Variants in IPPK observed in about 807,000 individuals in gnomAD.
IPPK encodes inositol-pentakisphosphate 2-kinase, also known as IPK1 homolog.
Under a neutral mutation model 64.6 loss-of-function variants are expected in IPPK, and 22 were observed. That is an observed-to-expected ratio of 0.34 (90% CI 0.24 to 0.49). IPPK has a LOEUF of 0.49. Among genes scored for constraint, IPPK ranks in the 20% least tolerant of loss-of-function variants. The pLI, the probability that IPPK is intolerant of heterozygous loss-of-function variation, is 0.99. For synonymous variants in IPPK, 262 were observed against 247.2 expected (o/e 1.06, Z -0.56); for missense variants, 532 against 630.7 (o/e 0.84, Z 1.68).
chr9:92,630,765 G>A (rs1360586802), intron 11 of IPPK, among the ~76,000 whole-genome samples: 1 of 152,166 alleles, frequency 6.6e-6, no homozygotes, highest in Non-Finnish European at 1.5e-5. Context: ...TATATTGTGT[G>A]TGGACTGGGA....
chr9:92,616,003 C>T lies in IPPK; in HGVS notation c.1305G>A (p.Val435=). 6.2e-7 allele frequency: 1 copy of T among 1,614,188 alleles called. No individual in the cohort carries two copies. The highest frequency in any genetic ancestry group is 8.5e-7 in the Non-Finnish European group (1 of 1,180,040). The change falls in exon 13 of 13, where the codon GTG becomes GTA. Residue 435 remains valine (V), a synonymous_variant. Transcript: ENST00000287996. Reference sequence around the variant, plus strand: ...GCTTGAGGTCAAGGTCCAGCACAGACACGGAAAAGGCAAACCTGGACCTCG... The same window carrying T: ...GCTTGAGGTCAAGGTCCAGCACAGATACGGAAAAGGCAAACCTGGACCTCG... ...PSSRSRFAFS[V]SVLDLDLKPY...
intron 12 of IPPK, chr9:92,617,717 G>A (rs74993589): frequency 0.038 from 5,948 of 158,278 alleles, 198 homozygotes; most frequent in East Asian, 0.092. Context: ...TGGGGATCGG[G>A]GTGGAGAAGC....
At chr9:92,660,681 C>A (rs1852464996) in intron 1 of IPPK, among the ~76,000 whole-genome samples, 2 of 152,120 alleles carry the variant, frequency 1.3e-5, no homozygotes, top group African/African-American at 4.8e-5. Context: ...GAACACAGGA[C>A]CCCCCTCCCC....
chr9:92,634,300 G>T, intron 11 of IPPK, 86 bp downstream of exon 11: 1 of 951,462 alleles, frequency 1.1e-6, no homozygotes. Context: ...GGTAGGTAAT[G>T]GAAAAAAAAA....
chr9:92,629,754 T>G (rs1024915354), intron 11 of IPPK, among the ~76,000 whole-genome samples: 1 of 150,536 alleles, frequency 6.6e-6, no homozygotes, highest in African/African-American at 2.4e-5. Context: ...TAGACATTTC[T>G]CTGAAAAAGA....
At chr9:92,630,885 T>TA (rs1053241919) in intron 11 of IPPK, among the ~76,000 whole-genome samples, 2 of 151,740 alleles carry the variant, frequency 1.3e-5, no homozygotes, top group Non-Finnish European at 2.9e-5. Flanking sequence ...AAAAATGACA[T>TA]AAAAAAAACT....
intron 3 of IPPK, among the ~76,000 whole-genome samples, chr9:92,655,968 C>T (rs1852364734): frequency 6.6e-6 from 1 of 152,132 alleles, no homozygotes; most frequent in African/African-American, 2.4e-5. Context: ...TCCCACAGAC[C>T]CCAGCACAGG....
Position 92,613,451 on chromosome 9 carries a change from A to G in IPPK, c.*2381T>C. ...TGTGGGGAGGATCCATCCCCCACCC[A>G]CTGCAGCCTCACACCGAGTCCACCT... On this transcript the variant is annotated 3_prime_UTR_variant, in exon 13 of 13. Coordinates refer to ENST00000287996, the MANE Select transcript of IPPK (RefSeq NM_022755.6). The G allele has an allele frequency of 3.1e-6, 1 of 324,432 alleles. No homozygotes were observed. The highest frequency in any genetic ancestry group is 6.0e-6 in the Non-Finnish European group (1 of 167,560). The allele number at this position is 324,432 out of a possible 1,614,324, so 20.1% of individuals were successfully genotyped here. A position where few individuals can be genotyped will look rare whatever the true frequency, so the allele number is the denominator to read the frequency against.
Position 92,634,496 on chromosome 9 carries a change from A to G in IPPK, c.1068-8T>C. ...TCTATTTGTAAGGTTTTTCTGAAGA[A>G]GAAAGCACAATAAAAACAGGATGAC... is the stretch of plus-strand genomic sequence containing the variant. On this transcript the variant is annotated splice_polypyrimidine_tract_variant and splice_region_variant and intron_variant, in intron 10 of 12. Coordinates refer to ENST00000287996, the MANE Select transcript of IPPK (RefSeq NM_022755.6). 2 of 1,600,560 alleles carry G rather than the reference A, an allele frequency of 1.2e-6. No homozygotes were observed. The highest frequency in any genetic ancestry group is 1.7e-6 in the Non-Finnish European group (2 of 1,167,632).
chr9:92,630,496 G>T (rs557829342), intron 11 of IPPK, among the ~76,000 whole-genome samples: 3 of 152,262 alleles, frequency 2.0e-5, no homozygotes, highest in African/African-American at 7.2e-5. Flanking sequence ...CAAAACCGCT[G>T]CACTGAACAC....
chr9:92,639,445 T>C (rs1363131404), intron 8 of IPPK, among the ~76,000 whole-genome samples: 3 of 152,194 alleles, frequency 2.0e-5, no homozygotes, highest in Non-Finnish European at 4.4e-5. Context: ...GAACGCACAG[T>C]AGGTAACATG....
intron 3 of IPPK, among the ~76,000 whole-genome samples, chr9:92,655,506 C>T (rs1202582353): frequency 6.6e-6 from 1 of 152,154 alleles, no homozygotes; most frequent in East Asian, 1.9e-4. Flanking sequence ...TGGAGCCAGA[C>T]TGCTCATTGC....
chr9:92,646,580 C>A (rs1198117911), intron 6 of IPPK, among the ~76,000 whole-genome samples: 1 of 152,062 alleles, frequency 6.6e-6, no homozygotes, highest in Non-Finnish European at 1.5e-5. Flanking sequence ...CACAACATAC[C>A]AAAATGTATG....
Position 92,616,186 on chromosome 9 carries a change from A to C in IPPK, c.1251-129T>G, listed in dbSNP as rs370949795. On this transcript the variant is annotated intron_variant, in intron 12 of 12. Coordinates refer to ENST00000287996, the MANE Select transcript of IPPK (RefSeq NM_022755.6). ...TTTTCTTTGACTTCTGCAAAGTTAG[A>C]TAAATCAATCTCTTTTAAAAGAGAA... 4.6e-6 allele frequency: 3 copies of C among 659,266 alleles called. No individual in the cohort carries two copies. In the East Asian group the frequency reaches 8.3e-5, roughly 18 times the overall value. 40.8% of individuals were successfully genotyped at this position (659,266 alleles called of 1,614,324 possible). A position where few individuals can be genotyped will look rare whatever the true frequency, so the allele number is the denominator to read the frequency against.
chr9:92,619,681 T>A, intron 11 of IPPK, 116 bp from the exon 12 acceptor site: 4 of 968,384 alleles, frequency 4.1e-6, no homozygotes, highest in Non-Finnish European at 4.8e-6. Flanking sequence ...AACCTGAGGG[T>A]GGGATTAGGA....
At chr9:92,651,978 G>A (rs1214732783) in intron 4 of IPPK, among the ~76,000 whole-genome samples, 1 of 152,066 alleles carries the variant, frequency 6.6e-6, no homozygotes, top group African/African-American at 2.4e-5. Context: ...CTGACCTCAG[G>A]TGACCTGCCT....
chr9:92,619,880 T>C (rs546477558), intron 11 of IPPK: 352 of 381,404 alleles, frequency 9.2e-4, no homozygotes, highest in African/African-American at 6.7e-3. Context: ...CAGTCGGCCT[T>C]TGGAAGGAAA....
At chr9:92,651,859 G>A (rs1453322786) in intron 4 of IPPK, among the ~76,000 whole-genome samples, 1 of 151,972 alleles carries the variant, frequency 6.6e-6, no homozygotes, top group African/African-American at 2.4e-5. Flanking sequence ...GGGATTACAG[G>A]TGCCCGCCAC....
In IPPK at chr9:92,635,254, G is replaced by T; in HGVS notation, c.971C>A (p.Thr324Asn). The T allele has an allele frequency of 6.2e-7, 1 of 1,614,226 alleles. No individual in the cohort carries two copies. Among genetic ancestry groups the T allele is most frequent in the Non-Finnish European group, 8.5e-7 (1 of 1,180,032 alleles). ...CAGGTCCAACATCTGCACCTGGAGGGTTTTGTACAGAAGACAGCCCTTCGG... is the reference window on the plus strand; with the variant it reads ...CAGGTCCAACATCTGCACCTGGAGGTTTTTGTACAGAAGACAGCCCTTCGG... ...GLPKGCLLYK[T>N]LQVQMLDLLD... is the part of the protein sequence containing the mutation. The change falls in exon 10 of 13, where the codon ACC (threonine) becomes AAC (asparagine). Residue 324 changes from threonine (T) to asparagine (N), a missense_variant. Transcript: ENST00000287996. This position sits in a 1 kb window ranked among gnomAD's most constrained non-coding sequence, Gnocchi z 4.4.
Sources: allele counts gnomAD v4.1 joint callset (sites outside exome capture counted in the v4.1 genomes callset), GRCh38; gene constraint gnomAD v4.1.1; non-coding constraint Gnocchi (gnomAD v3.1); transcripts MANE v1.5; gene names NCBI Gene and HGNC (gene_info 2026-07-23, HGNC 2026-07-21).